CLPSL1: variants seen among roughly 807,000 people sequenced by gnomAD.
CLPSL1 encodes colipase like 1.
CLPSL1 carries 13 observed loss-of-function variants against 9.3 expected under a neutral mutation model. That is an observed-to-expected ratio of 1.40 (90% CI 0.91 to 2.22). CLPSL1 has a LOEUF of 2.22. Among genes scored for constraint, CLPSL1 ranks in the 30% most tolerant of loss-of-function variants. The pLI, the probability that CLPSL1 is intolerant of heterozygous loss-of-function variation, is 0.00. For missense variants in CLPSL1, 164 were observed against 146.6 expected, an observed-to-expected ratio of 1.12 and a Z score of -0.61; for synonymous variants, 58 against 56.9, an observed-to-expected ratio of 1.02 and a Z score of -0.08.
At position 35,781,159 on chromosome 6, in the gene CLPSL1, C is replaced by A; in HGVS notation, c.49C>A (p.Leu17Ile). ...LLLLFLLFFF[L>I]FLLTRGSLSP... ...GCTGCTGTTCCTTCTCTTCTTCTTT[C>A]TCTTCCTCCTCACCAGGGGCTCACT... is the stretch of plus-strand genomic sequence containing the variant. Residue 17 changes from leucine to isoleucine, a missense_variant, in exon 1 of 3, where the codon CTC becomes ATC. Leu to Ile is a conservative substitution (Grantham distance 5). Coordinates refer to ENST00000373861, the MANE Select transcript of CLPSL1 (RefSeq NM_001010886.5). 2 of 1,614,074 alleles carry A rather than the reference C, an allele frequency of 1.2e-6. No homozygotes were observed. The highest frequency in any genetic ancestry group is 1.7e-6 in the Non-Finnish European group (2 of 1,179,952).
chr6:35,787,033 C>T lies in CLPSL1; in HGVS notation c.135C>T (p.Cys45=), dbSNP rs1182955433. 24 of 1,594,242 alleles carry T rather than the reference C, an allele frequency of 1.5e-5. No homozygotes were observed. Among genetic ancestry groups the T allele is most frequent in the Admixed American group, 1.8e-5 (1 of 54,982 alleles). The change falls in exon 2 of 3, where the codon TGC becomes TGT. Residue 45 remains cysteine, a synonymous_variant. Transcript: ENST00000373861. ...AGTCTTGCATCCGGAACCAGGACTG[C>T]GAGACTGGCTGCTGCCAACGTGCTC... is the stretch of plus-strand genomic sequence containing the variant. The part of the protein sequence containing the change: ...LKESCIRNQD[C]ETGCCQRAPD...
Position 35,787,130 on chromosome 6 carries a change from G to A in CLPSL1, c.222+10G>A, listed in dbSNP as rs756444949. On this transcript the variant is annotated intron_variant, in intron 2 of 2. Coordinates refer to ENST00000373861, the MANE Select transcript of CLPSL1 (RefSeq NM_001010886.5). ...TCTGTGTCAAACGCAGGTGGGTATC[G>A]CCGCCCGGGGGGAGCCAGAGGGGAT... 4 of 1,610,820 alleles carry A rather than the reference G, an allele frequency of 2.5e-6. No individual in the cohort carries two copies. The highest frequency in any genetic ancestry group is 3.4e-6 in the Non-Finnish European group (4 of 1,179,218).
chr6:35,784,369 G>A (rs541032858), intron 1 of CLPSL1, among the ~76,000 whole-genome samples: 1 of 152,246 alleles, frequency 6.6e-6, no homozygotes, highest in South Asian at 2.1e-4. Flanking sequence ...TTTCTGATCA[G>A]ACTTAAGGTC....
At chr6:35,781,445 C>T (rs575822865) in intron 1 of CLPSL1, among the ~76,000 whole-genome samples, 2 of 152,192 alleles carry the variant, frequency 1.3e-5, no homozygotes, top group African/African-American at 4.8e-5. Context: ...GCCCCCCTGC[C>T]CATGCGCACA....
chr6:35,791,827 G>C (rs1184990397), downstream of CLPSL1, among the ~76,000 whole-genome samples: 1 of 152,074 alleles, frequency 6.6e-6, no homozygotes, highest in Admixed American at 6.6e-5. Context: ...TAGCACTTTC[G>C]GAGGCCTAGG....
chr6:35,786,631 C>T (rs1188935489), intron 1 of CLPSL1, among the ~76,000 whole-genome samples: 1 of 151,782 alleles, frequency 6.6e-6, no homozygotes, highest in Non-Finnish European at 1.5e-5. Flanking sequence ...GGTGGGAATG[C>T]ATGTAGGTGA....
At chr6:35,791,882 A>G (rs551314053), downstream of CLPSL1, among the ~76,000 whole-genome samples, 1 of 152,160 alleles carries the variant, frequency 6.6e-6, no homozygotes, top group Non-Finnish European at 1.5e-5. Flanking sequence ...AGCCTGGGCA[A>G]CATGGTGAAA....
At position 35,783,578 on chromosome 6, in the gene CLPSL1, A is replaced by G. The variant is rs189507039; in HGVS notation, c.99+2369A>G. On this transcript the variant is annotated intron_variant, in intron 1 of 2. Coordinates refer to ENST00000373861, the MANE Select transcript of CLPSL1 (RefSeq NM_001010886.5). ...TCCCAGCATTTTGGGAGGCCGAGGC[A>G]GGCAGATCACGAGGTCAGGAGATCA... 7.8e-3 allele frequency among the ~76,000 whole-genome samples: 1,188 copies of G among 152,030 alleles called. 7 individuals carry two copies. The highest frequency in any genetic ancestry group is 0.013 in the Non-Finnish European group (901 of 67,976).
At position 35,781,021 on chromosome 6, in the gene CLPSL1, A is replaced by G. The variant is rs1022088818; in HGVS notation, c.-90A>G. ...TGACGGGGTTGGGTGCTGGTTTTACATGGTGTTCCCACAGCTGGGAGGACA... is the reference window on the plus strand; with the variant it reads ...TGACGGGGTTGGGTGCTGGTTTTACGTGGTGTTCCCACAGCTGGGAGGACA... On this transcript the variant is annotated 5_prime_UTR_variant, in exon 1 of 3. It removes an upstream start codon present in the reference 5' UTR. Transcript: ENST00000373861. 8.3e-6 allele frequency: 13 copies of G among 1,558,992 alleles called. No homozygotes were observed. The highest frequency in any genetic ancestry group is 1.4e-5 in the African/African-American group (1 of 73,362).
chr6:35,787,052 C>A lies in CLPSL1; in HGVS notation c.154C>A (p.Arg52Ser), dbSNP rs771559201. ...NQDCETGCCQ[R>S]APDNCESHCA... ...GGACTGCGAGACTGGCTGCTGCCAA[C>A]GTGCTCCAGACAATTGCGAGTCGCA... Residue 52 changes from arginine to serine, a missense_variant, in exon 2 of 3, where the codon CGT becomes AGT. Physicochemically the swap from Arg to Ser is moderately radical, Grantham distance 110 (BLOSUM62 -1). Coordinates refer to ENST00000373861, the MANE Select transcript of CLPSL1 (RefSeq NM_001010886.5). The A allele has an allele frequency of 2.5e-6, 4 of 1,601,724 alleles. No individual in the cohort carries two copies. The highest frequency in any genetic ancestry group is 3.4e-6 in the Non-Finnish European group (4 of 1,176,064).
chr6:35,786,239 C>G (rs1203513701), intron 1 of CLPSL1, among the ~76,000 whole-genome samples: 1 of 152,150 alleles, frequency 6.6e-6, no homozygotes, highest in Non-Finnish European at 1.5e-5. Context: ...GCGATGGAAG[C>G]AAGACTCCAT....
chr6:35,783,806 C>CAA (rs778575275), intron 1 of CLPSL1, among the ~76,000 whole-genome samples: 3,634 of 105,942 alleles, frequency 0.034, 73 homozygotes, highest in Middle Eastern at 0.067. Context: ...ACTCTATCTC[C>CAA]AAAAAAAAAA....
chr6:35,787,962 T>C lies in CLPSL1; in HGVS notation c.318T>C (p.Arg106=), dbSNP rs1262935292. The change falls in exon 3 of 3, where the codon CGT becomes CGC. Residue 106 remains arginine, a synonymous_variant. Transcript: ENST00000373861. ...AATGGCTTAGCATCGCCTATGGCCG[T>C]TGTCAGAAAATTGGAAGGCAGAAGT... The part of the protein sequence containing the change: ...NEKWLSIAYG[R]CQKIGRQKLA... 3 of 1,613,806 alleles carry C rather than the reference T, an allele frequency of 1.9e-6. No individual in the cohort carries two copies. In the South Asian group the frequency reaches 3.3e-5, roughly 18 times the overall value.
At chr6:35,786,332 G>C (rs997360622) in intron 1 of CLPSL1, among the ~76,000 whole-genome samples, 4 of 152,206 alleles carry the variant, frequency 2.6e-5, no homozygotes, top group Non-Finnish European at 5.9e-5. Context: ...GTGGCTAGTG[G>C]CTATTGGACT....
intron 1 of CLPSL1, among the ~76,000 whole-genome samples, chr6:35,781,728 G>GTTT (rs36009111): frequency 7.1e-6 from 1 of 141,102 alleles, no homozygotes; most frequent in African/African-American, 2.6e-5. Flanking sequence ...GTTTGCAGGT[G>GTTT]TTTTTTTTTT....
intron 1 of CLPSL1, 39 bp downstream of exon 1, chr6:35,781,248 T>TA (rs752430620): frequency 6.2e-7 from 1 of 1,606,816 alleles, no homozygotes; most frequent in East Asian, 2.2e-5. Flanking sequence ...CCCCCTCCAC[T>TA]GTCCTAAGGC....
At chr6:35,788,762 G>A (rs1768138716), downstream of CLPSL1, among the ~76,000 whole-genome samples, 1 of 152,286 alleles carries the variant, frequency 6.6e-6, no homozygotes. Flanking sequence ...ACTGTGGTGT[G>A]GGGTTGGAGA....
At chr6:35,790,714 C>T (rs1345749772), downstream of CLPSL1, among the ~76,000 whole-genome samples, 1 of 152,260 alleles carries the variant, frequency 6.6e-6, no homozygotes, top group African/African-American at 2.4e-5. Flanking sequence ...ACTATTCTCC[C>T]CTCCAGCAAT....
chr6:35,784,944 G>A (rs1008636585), intron 1 of CLPSL1, among the ~76,000 whole-genome samples: 4 of 152,114 alleles, frequency 2.6e-5, no homozygotes, highest in East Asian at 1.9e-4. Flanking sequence ...TCCCAAGTGG[G>A]CAACTTGAAG....
Sources: gnomAD v4.1 joint callset for allele counts (sites outside exome capture counted in the v4.1 genomes callset) on GRCh38, gnomAD v4.1.1 for gene constraint, MANE v1.5 for transcripts, NCBI Gene and HGNC (gene_info 2026-07-23, HGNC 2026-07-21) for gene names.